The following HABP2 variants were observed in gnomAD, a reference collection of about 807,000 sequenced individuals.
HABP2 encodes the protein factor VII-activating protease.
A neutral mutation model predicts 66.5 loss-of-function variants in HABP2; 65 were observed. The observed-to-expected ratio is 0.98, with a 90% CI of 0.80 to 1.20. HABP2 has a LOEUF of 1.20. HABP2 is among the 50% of genes most tolerant of loss of function. HABP2 has a pLI of 0.00. For synonymous variants in HABP2, 263 were observed against 253.9 expected (o/e 1.04, Z -0.34); for missense variants, 786 against 691.0 (o/e 1.14, Z -1.54).
chr10:113,559,307 C>T (rs1404886944), intron 1 of HABP2, among the ~76,000 whole-genome samples: 2 of 152,218 alleles, frequency 1.3e-5, no homozygotes, highest in African/African-American at 2.4e-5. Context: ...GCCATTTGTA[C>T]AGATATTTCT....
chr10:113,583,391 C>G, intron 10 of HABP2, 33 bp downstream of exon 10: 1 of 1,600,116 alleles, frequency 6.2e-7, no homozygotes, highest in South Asian at 1.1e-5. Context: ...TCCTGAGGGT[C>G]TTGTCCTGGG....
rs963907179 is a variant in HABP2, at chr10:113,584,131, C to T, written c.1238-17C>T. On this transcript the variant is annotated splice_polypyrimidine_tract_variant and intron_variant, in intron 10 of 12. Coordinates refer to ENST00000351270, the MANE Select transcript of HABP2 (RefSeq NM_004132.5). ...GAGGTGACATCGCATCCATTTTCTACCTCTCTCTCCACCTAGCATTGCTCA... is the reference window on the plus strand; with the variant it reads ...GAGGTGACATCGCATCCATTTTCTATCTCTCTCTCCACCTAGCATTGCTCA... 1.2e-6 allele frequency: 2 copies of T among 1,611,180 alleles called. No individual in the cohort carries two copies. The highest frequency in any genetic ancestry group is 1.3e-5 in the African/African-American group (1 of 74,810).
intron 1 of HABP2, among the ~76,000 whole-genome samples, chr10:113,564,533 C>T (rs1310980372): frequency 6.6e-6 from 1 of 152,158 alleles, no homozygotes; most frequent in African/African-American, 2.4e-5. Context: ...CCTGCAGAAA[C>T]AGGGTGTGGG....
chr10:113,580,720 AG>A (rs1845511103), intron 8 of HABP2, 28 bp downstream of exon 8: 2 of 1,167,214 alleles, frequency 1.7e-6, no homozygotes, highest in Non-Finnish European at 2.6e-6. Context: ...TCAGAAGCCC[AG>A]GGGGTGGGGG....
chr10:113,571,938 A>T (rs1845322061), intron 2 of HABP2, among the ~76,000 whole-genome samples: 1 of 152,252 alleles, frequency 6.6e-6, no homozygotes, highest in Non-Finnish European at 1.5e-5. Context: ...TGCCAACATA[A>T]TGGGAAAGAC....
chr10:113,588,271 T>TG lies in HABP2; in HGVS notation c.1589dup (p.Leu531ProfsTer27). Reference sequence around the variant, plus strand: ...CTACTACGTCTATGGGATAGTGAGCTGGGGCCTGGAGTGTGGGAAGAGGCC... The same window carrying TG: ...CTACTACGTCTATGGGATAGTGAGCTGGGGGCCTGGAGTGTGGGAAGAGGCC... On this transcript the variant is annotated frameshift_variant, in exon 13 of 13. Transcript: ENST00000351270. LOFTEE classifies it high-confidence loss of function. The TG allele has an allele frequency of 1.9e-6, 3 of 1,613,728 alleles. No homozygotes were observed. The highest frequency in any genetic ancestry group is 3.3e-4 in the Middle Eastern group (2 of 6,028).
chr10:113,565,060 G>A (rs1469935221), intron 1 of HABP2, among the ~76,000 whole-genome samples: 1 of 152,096 alleles, frequency 6.6e-6, no homozygotes, highest in African/African-American at 2.4e-5. Context: ...TAGCCAGGAT[G>A]GTCTTGATCT....
intron 11 of HABP2, among the ~76,000 whole-genome samples, chr10:113,585,009 G>A (rs941899395): frequency 2.0e-5 from 3 of 152,086 alleles, no homozygotes; most frequent in Admixed American, 6.5e-5. Flanking sequence ...CTCTTCCTTC[G>A]CAAATCCTGT....
intron 4 of HABP2, among the ~76,000 whole-genome samples, chr10:113,576,368 C>T (rs1436377316): frequency 1.3e-5 from 2 of 152,132 alleles, no homozygotes; most frequent in Non-Finnish European, 2.9e-5. Context: ...CACATGAGAC[C>T]CAACCCAGTT....
intron 3 of HABP2, 113 bp from the exon 4 acceptor site, chr10:113,575,784 A>T (rs1023691796): frequency 1.5e-6 from 1 of 682,634 alleles, no homozygotes; most frequent in Non-Finnish European, 2.6e-6. Flanking sequence ...TTTCTGGCTC[A>T]GTAGTTACTC....
chr10:113,555,322 C>CTA (rs1565094643), intron 1 of HABP2, among the ~76,000 whole-genome samples: 2 of 152,146 alleles, frequency 1.3e-5, no homozygotes, highest in African/African-American at 4.8e-5. Flanking sequence ...TTCCGTGTAG[C>CTA]CAGTCTCCTG....
intron 2 of HABP2, chr10:113,572,781 AAAT>A (rs1436896220): frequency 4.6e-6 from 2 of 438,032 alleles, no homozygotes; most frequent in Admixed American, 5.2e-5. Context: ...ACTTCGGGAG[AAAT>A]AATGAGCAAG....
chr10:113,586,644 A>C (rs1354717911), intron 12 of HABP2, among the ~76,000 whole-genome samples: 1 of 152,116 alleles, frequency 6.6e-6, no homozygotes, highest in African/African-American at 2.4e-5. Context: ...GCCCCAAGTC[A>C]AAGCCCATTC....
intron 2 of HABP2, among the ~76,000 whole-genome samples, chr10:113,571,436 G>C (rs1845309394): frequency 6.6e-6 from 1 of 152,148 alleles, no homozygotes; most frequent in Non-Finnish European, 1.5e-5. Flanking sequence ...AGTCGAGAGA[G>C]AACAAGACTT....
In HABP2 at chr10:113,579,086, G is replaced by A. The variant is rs545127178; in HGVS notation, c.740+288G>A. ...AGCCTGAGCAAAATGGCAAAACCCC[G>A]TCTCTACCAAAAAAAAAAAAAAAAT... On this transcript the variant is annotated intron_variant, in intron 7 of 12. Coordinates refer to ENST00000351270, the MANE Select transcript of HABP2 (RefSeq NM_004132.5). Among the ~76,000 whole-genome samples, 262 of 143,870 alleles carry A rather than the reference G, an allele frequency of 1.8e-3. 2 individuals are homozygous for A. Among genetic ancestry groups the A allele is most frequent in the African/African-American group, 6.5e-3 (249 of 38,128 alleles). The allele number at this position is 143,870 out of a possible 152,430, so 94.4% of individuals were successfully genotyped here.
In HABP2 at chr10:113,581,977, A is replaced by G; in HGVS notation, c.940A>G (p.Ile314Val). The change falls in exon 9 of 13, where the codon ATC becomes GTC. Residue 314 changes from isoleucine to valine, a missense_variant. Coordinates refer to ENST00000351270, the MANE Select transcript of HABP2 (RefSeq NM_004132.5). ...GATAGCAGAGAGGAAGATCAAGAGA[A>G]TCTATGGAGGCTTTAAGAGCACGGC... is the stretch of plus-strand genomic sequence containing the variant. ...TEIAERKIKR[I>V]YGGFKSTAGK... 6.2e-7 allele frequency: 1 copy of G among 1,614,220 alleles called. No individual in the cohort carries two copies. Among genetic ancestry groups the G allele is most frequent in the Non-Finnish European group, 8.5e-7 (1 of 1,180,020 alleles).
chr10:113,566,607 G>T (rs565905506), intron 1 of HABP2, among the ~76,000 whole-genome samples: 2 of 152,332 alleles, frequency 1.3e-5, no homozygotes, highest in South Asian at 4.1e-4. Flanking sequence ...TGAGAGACAG[G>T]TGACATGCAA....
chr10:113,571,257 T>C (rs570587255), intron 2 of HABP2, among the ~76,000 whole-genome samples: 1 of 152,310 alleles, frequency 6.6e-6, no homozygotes, highest in East Asian at 1.9e-4. Context: ...AGCTGGCAGA[T>C]TGGCTGGCCT....
intron 9 of HABP2, 118 bp from the exon 10 acceptor site, chr10:113,583,098 T>C (rs1225535585): frequency 2.5e-6 from 2 of 788,040 alleles, no homozygotes; most frequent in Non-Finnish European, 4.2e-6. Flanking sequence ...AGCAGAGTTC[T>C]GTGAGTGAGA....
Sources: gnomAD v4.1 joint callset for allele counts (sites outside exome capture counted in the v4.1 genomes callset) on GRCh38, gnomAD v4.1.1 for gene constraint, MANE v1.5 for transcripts, NCBI Gene and HGNC (gene_info 2026-07-23, HGNC 2026-07-21) for gene names.